Variants in RLF observed in about 807,000 individuals in gnomAD.
RLF encodes the protein zinc finger protein Rlf.
RLF carries 7 observed loss-of-function variants against 162.9 expected under a neutral mutation model. The observed-to-expected ratio is 0.04, with a 90% confidence interval of 0.02 to 0.08. RLF has a LOEUF of 0.08. Among genes scored for constraint, RLF ranks in the 10% least tolerant of loss-of-function variants. The pLI is 1.00. For missense variants in RLF, 1,664 were observed against 2,244.7 expected (o/e 0.74, Z 5.23); for synonymous variants, 782 against 791.5 (o/e 0.99, Z 0.20).
intron 1 of RLF, among the ~76,000 whole-genome samples, chr1:40,187,970 C>T (rs1420887088): frequency 8.5e-5 from 13 of 152,188 alleles, no homozygotes; most frequent in Non-Finnish European, 1.9e-4. Flanking sequence ...GAAAATAAGA[C>T]TTGCCTATAG....
intron 7 of RLF, among the ~76,000 whole-genome samples, chr1:40,233,084 G>A (rs1332359875): frequency 7.0e-6 from 1 of 143,804 alleles, no homozygotes; most frequent in African/African-American, 2.7e-5. Context: ...GACAGAGTGA[G>A]ACTCTGTCTC....
chr1:40,234,214 T>G (rs1030035024), intron 7 of RLF, among the ~76,000 whole-genome samples: 4 of 152,208 alleles, frequency 2.6e-5, no homozygotes, highest in African/African-American at 9.6e-5. Context: ...CCTCCCAAAG[T>G]GCTGGGATTA....
intron 1 of RLF, among the ~76,000 whole-genome samples, chr1:40,176,965 TTTTA>T (rs1288451493): frequency 2.0e-5 from 3 of 151,852 alleles, no homozygotes; most frequent in Non-Finnish European, 4.4e-5. Flanking sequence ...TTTCTTTCTT[TTTTA>T]TTTATTTCTT....
chr1:40,219,237 T>C (rs926497094), intron 5 of RLF, among the ~76,000 whole-genome samples: 9 of 152,328 alleles, frequency 5.9e-5, no homozygotes, highest in Middle Eastern at 3.4e-3. Context: ...TTATCATATC[T>C]TTTCCTCTAT....
chr1:40,162,265 G>C (rs988129516), intron 1 of RLF, among the ~76,000 whole-genome samples: 14 of 151,584 alleles, frequency 9.2e-5, no homozygotes, highest in African/African-American at 2.4e-5. Flanking sequence ...GAATAAGGCT[G>C]ACTCTTTGAG....
intron 6 of RLF, among the ~76,000 whole-genome samples, chr1:40,222,990 G>A (rs1477488068): frequency 7.3e-6 from 1 of 137,228 alleles, no homozygotes; most frequent in African/African-American, 3.5e-5. Flanking sequence ...ACAAACCTGT[G>A]TTAGTTAGAT....
At chr1:40,220,988 AAG>A (rs1257849878) in intron 5 of RLF, among the ~76,000 whole-genome samples, 1 of 151,394 alleles carries the variant, frequency 6.6e-6, no homozygotes, top group Admixed American at 6.6e-5. Context: ...AAAAAAAAAA[AAG>A]GTGTGGTGGT....
Position 40,195,698 on chromosome 1 carries a change from G to C in RLF, c.541G>C (p.Glu181Gln). The C allele has an allele frequency of 6.2e-7, 1 of 1,613,630 alleles. No individual in the cohort carries two copies. The highest frequency in any genetic ancestry group is 8.5e-7 in the Non-Finnish European group (1 of 1,179,716). ...NLQILVHVTKEGVWKNPVLLK... is the reference protein window; with the variant it reads ...NLQILVHVTKQGVWKNPVLLK... The stretch of plus-strand genomic sequence containing the variant: ...ACAAATATTGGTTCATGTTACCAAG[G>C]AAGGGGTGTGGAAAAACCCAGTTCT... The change falls in exon 4 of 8, where the codon GAA (glutamate) becomes CAA (glutamine). Residue 181 changes from glutamate (E) to glutamine (Q), a missense_variant. By Grantham distance (29) the Glu-to-Gln change is conservative. Coordinates refer to ENST00000372771, the MANE Select transcript of RLF (RefSeq NM_012421.4).
At position 40,238,101 on chromosome 1, in the gene RLF, A is replaced by C. The variant is rs1434375260; in HGVS notation, c.3399A>C (p.Gly1133=). The C allele has an allele frequency of 2.5e-6, 4 of 1,614,082 alleles. No homozygotes were observed. Among genetic ancestry groups the C allele is most frequent in the Non-Finnish European group, 3.4e-6 (4 of 1,179,984 alleles). ...AAKPFFCELQ[G]CKYEFVTREA... is the part of the protein sequence containing the mutation. The stretch of plus-strand genomic sequence containing the variant: ...AGCCGTTTTTCTGTGAGCTTCAAGG[A>C]TGCAAATATGAATTTGTGACCAGAG... Residue 1133 remains glycine, a synonymous_variant, in exon 8 of 8, where the codon GGA becomes GGC. Coordinates refer to ENST00000372771, the MANE Select transcript of RLF (RefSeq NM_012421.4). The surrounding 1 kb of genome is among the most constrained non-coding windows in gnomAD (Gnocchi z 5.2).
intron 5 of RLF, among the ~76,000 whole-genome samples, chr1:40,213,426 A>G (rs1320236671): frequency 2.6e-5 from 4 of 152,194 alleles, no homozygotes; most frequent in Non-Finnish European, 5.9e-5. Context: ...ATTGGTGACC[A>G]TTTATTTCTT....
chr1:40,195,450 A>G (rs943203245), intron 3 of RLF, among the ~76,000 whole-genome samples, 182 bp from the exon 4 acceptor site: 1 of 139,824 alleles, frequency 7.2e-6, no homozygotes, highest in East Asian at 2.2e-4. Context: ...TTCTGTCTTT[A>G]AAAAAAAAAA....
chr1:40,182,607 A>G (rs1642418293), intron 1 of RLF, among the ~76,000 whole-genome samples: 1 of 152,186 alleles, frequency 6.6e-6, no homozygotes, highest in African/African-American at 2.4e-5. Context: ...ATTTTTGAAA[A>G]TTGAAAATGA....
intron 1 of RLF, among the ~76,000 whole-genome samples, chr1:40,177,507 A>T (rs982302015): frequency 6.6e-6 from 1 of 151,018 alleles, no homozygotes; most frequent in Non-Finnish European, 1.5e-5. Flanking sequence ...GTTAGCCAGG[A>T]TGGGGTCTAT....
At chr1:40,191,539 GAAA>G (rs375633544) in intron 3 of RLF, among the ~76,000 whole-genome samples, 1 of 130,484 alleles carries the variant, frequency 7.7e-6, no homozygotes. Context: ...CTCTGTCTCG[GAAA>G]AAAAAAAAAA....
intron 5 of RLF, among the ~76,000 whole-genome samples, chr1:40,214,943 A>C (rs12097790): frequency 0.013 from 1,904 of 144,702 alleles, 88 homozygotes; most frequent in African/African-American, 0.046. Context: ...AAAAAAAAAA[A>C]AACTAAAGTA....
rs895455745 is a variant in RLF, at chr1:40,221,899, C to CAAAAAAAAAAA, written c.811-666_811-656dup. ...TGGGCGACACAGCGAGACTCCGTCT[C>CAAAAAAAAAAA]AAAAAAAAAAAAAAAAAAAGAGAAA... On this transcript the variant is annotated intron_variant, in intron 5 of 7. Coordinates refer to ENST00000372771, the MANE Select transcript of RLF (RefSeq NM_012421.4). Among the ~76,000 whole-genome samples the CAAAAAAAAAAA allele has an allele frequency of 7.3e-3, 473 of 64,912 alleles. 25 individuals are homozygous for CAAAAAAAAAAA. The highest frequency in any genetic ancestry group is 8.1e-3 in the African/African-American group (135 of 16,736). The allele number at this position is 64,912 out of a possible 152,430, so 42.6% of individuals were successfully genotyped here. A position where few individuals can be genotyped will look rare whatever the true frequency, so the allele number is the denominator to read the frequency against.
intron 5 of RLF, among the ~76,000 whole-genome samples, chr1:40,217,802 A>T (rs969612631): frequency 3.9e-5 from 6 of 151,910 alleles, no homozygotes; most frequent in Non-Finnish European, 4.4e-5. Context: ...GAAAAACCCA[A>T]CTCCTACTTA....
Position 40,240,360 on chromosome 1 carries a change from G to A in RLF, c.5658G>A (p.Val1886=). The A allele has an allele frequency of 1.2e-6, 2 of 1,614,126 alleles. No homozygotes were observed. The highest frequency in any genetic ancestry group is 2.7e-5 in the African/African-American group (2 of 75,040). Residue 1886 remains valine, a synonymous_variant, in exon 8 of 8, where the codon GTG becomes GTA. Coordinates refer to ENST00000372771, the MANE Select transcript of RLF (RefSeq NM_012421.4). The stretch of plus-strand genomic sequence containing the variant: ...AGCTTCATTATCTTCGGCCAGTGGT[G>A]GTTCTTGAAAGATCTAAGTTTTCCA... ...LKQLHYLRPV[V]VLERSKFSTP...
chr1:40,197,092 T>C (rs906640959), intron 4 of RLF, among the ~76,000 whole-genome samples: 1 of 152,194 alleles, frequency 6.6e-6, no homozygotes, highest in Non-Finnish European at 1.5e-5. Flanking sequence ...GTTTATCCAT[T>C]CACCAAGCTT....
Sources: gnomAD v4.1 joint callset for allele counts (sites outside exome capture counted in the v4.1 genomes callset) on GRCh38, gnomAD v4.1.1 for gene constraint, Gnocchi (gnomAD v3.1) non-coding constraint, MANE v1.5 for transcripts, NCBI Gene and HGNC (gene_info 2026-07-23, HGNC 2026-07-21) for gene names.